Variants in UBE4B observed in about 807,000 individuals in gnomAD.
UBE4B encodes ubiquitination factor E4B.
UBE4B carries 27 observed loss-of-function variants against 148.1 expected under a neutral mutation model. That is an observed-to-expected ratio of 0.18 (90% CI 0.13 to 0.25). The LOEUF (loss-of-function observed/expected upper bound fraction) is 0.25, where lower values mean the gene tolerates loss of function less well. Ranked by LOEUF, UBE4B falls within the 10% of genes least tolerant of loss-of-function variation. The pLI is 1.00. For missense variants in UBE4B, 1,170 were observed against 1,662.4 expected, an observed-to-expected ratio of 0.70 and a Z score of 5.15; for synonymous variants, 596 against 619.3, an observed-to-expected ratio of 0.96 and a Z score of 0.56.
intron 25 of UBE4B, among the ~76,000 whole-genome samples, chr1:10,175,499 A>C (rs1278953048): frequency 2.0e-5 from 3 of 151,012 alleles, no homozygotes; most frequent in Non-Finnish European, 4.4e-5. Flanking sequence ...AAAATACAAA[A>C]AATTAGCCAG....
chr1:10,167,589 CTTTTTTTTTTT>C (rs1166780306), intron 23 of UBE4B, among the ~76,000 whole-genome samples: 1 of 120,054 alleles, frequency 8.3e-6, no homozygotes, highest in Non-Finnish European at 1.7e-5. Context: ...TTGATGGTGA[CTTTTTTTTTTT>C]TTTTTTTTTT....
At chr1:10,101,704 T>G (rs1557552695) in intron 4 of UBE4B, among the ~76,000 whole-genome samples, 1 of 152,012 alleles carries the variant, frequency 6.6e-6, no homozygotes, top group Non-Finnish European at 1.5e-5. Flanking sequence ...GAGATGGGTT[T>G]TCACCGTGTT....
chr1:10,115,321 G>A (rs1212058378), intron 7 of UBE4B, among the ~76,000 whole-genome samples: 1 of 151,206 alleles, frequency 6.6e-6, no homozygotes, highest in African/African-American at 2.4e-5. Context: ...AGGCTGGAGT[G>A]CAGTTGTGTG....
chr1:10,148,438 C>A (rs1388115415), intron 19 of UBE4B, among the ~76,000 whole-genome samples: 1 of 151,730 alleles, frequency 6.6e-6, no homozygotes, highest in Non-Finnish European at 1.5e-5. Context: ...TCGAGACCAT[C>A]CTGGCCAACG....
intron 2 of UBE4B, among the ~76,000 whole-genome samples, chr1:10,080,126 T>C (rs1644652446): frequency 6.6e-6 from 1 of 152,138 alleles, no homozygotes; most frequent in South Asian, 2.1e-4. Context: ...ATTTATCTGA[T>C]TGAAAATTCT....
At chr1:10,156,830 C>T (rs1646080500) in intron 21 of UBE4B, among the ~76,000 whole-genome samples, 1 of 152,032 alleles carries the variant, frequency 6.6e-6, no homozygotes, top group Admixed American at 6.6e-5. Flanking sequence ...ATAGCTGTTT[C>T]CTTTTTTGGT....
chr1:10,080,256 C>G (rs1164668963), intron 2 of UBE4B, among the ~76,000 whole-genome samples: 1 of 151,932 alleles, frequency 6.6e-6, no homozygotes, highest in Non-Finnish European at 1.5e-5. Context: ...CCTGTCTCTA[C>G]TAAAAATACA....
At chr1:10,179,754 A>G (rs1571048323) in intron 27 of UBE4B, 141 bp from the exon 28 acceptor site, 1 of 1,338,502 alleles carries the variant, frequency 7.5e-7, no homozygotes, top group Non-Finnish European at 1.0e-6. Flanking sequence ...CCTCCCTCTC[A>G]TGTCCCAGTC....
chr1:10,081,545 C>T (rs1557536853), intron 2 of UBE4B, among the ~76,000 whole-genome samples: 1 of 151,958 alleles, frequency 6.6e-6, no homozygotes, highest in Non-Finnish European at 1.5e-5. Flanking sequence ...TTACCTCAGC[C>T]TCCCAAGTAG....
intron 1 of UBE4B, among the ~76,000 whole-genome samples, chr1:10,057,132 GTAA>G (rs1217566428): frequency 5.3e-5 from 8 of 151,950 alleles, no homozygotes; most frequent in African/African-American, 1.9e-4. Context: ...CTAATTTGAA[GTAA>G]TAATATTAAT....
intron 1 of UBE4B, among the ~76,000 whole-genome samples, chr1:10,037,539 C>T (rs1412618424): frequency 3.3e-5 from 5 of 152,058 alleles, no homozygotes; most frequent in Admixed American, 1.3e-4. Context: ...TTTCGTATCT[C>T]AAGGTGGTGC....
intron 2 of UBE4B, among the ~76,000 whole-genome samples, chr1:10,079,938 T>A (rs1286375413): frequency 1.3e-5 from 2 of 152,188 alleles, no homozygotes; most frequent in Non-Finnish European, 2.9e-5. Flanking sequence ...GAGCTAGGGA[T>A]GCAGGATGGA....
intron 2 of UBE4B, among the ~76,000 whole-genome samples, chr1:10,078,124 C>A (rs1644615247): frequency 6.6e-6 from 1 of 152,140 alleles, no homozygotes; most frequent in Non-Finnish European, 1.5e-5. Context: ...ATTCTCCCAC[C>A]TCAGCCTCCG....
intron 2 of UBE4B, among the ~76,000 whole-genome samples, chr1:10,075,997 T>G (rs1644573194): frequency 6.6e-6 from 1 of 152,052 alleles, no homozygotes; most frequent in Non-Finnish European, 1.5e-5. Context: ...TGAGCTGTGA[T>G]CACACCACTG....
At chr1:10,060,063 C>G (rs769367309) in intron 1 of UBE4B, among the ~76,000 whole-genome samples, 2 of 151,952 alleles carry the variant, frequency 1.3e-5, no homozygotes, top group Non-Finnish European at 2.9e-5. Flanking sequence ...CTGTTCTATT[C>G]AGTCGTCAGG....
intron 10 of UBE4B, among the ~76,000 whole-genome samples, chr1:10,123,722 T>A (rs576789879): frequency 1.3e-5 from 2 of 152,310 alleles, no homozygotes; most frequent in Non-Finnish European, 2.9e-5. Context: ...CTGCATTTTT[T>A]AAATTAAGAT....
intron 21 of UBE4B, among the ~76,000 whole-genome samples, chr1:10,153,490 TAAAAAAAAAA>T (rs1045427991): frequency 2.0e-4 from 10 of 49,216 alleles, no homozygotes; most frequent in African/African-American, 7.8e-4. Flanking sequence ...ACCCTGTTTC[TAAAAAAAAAA>T]AAAAAAAAAA....
At chr1:10,088,430 G>T (rs1459700472) in intron 2 of UBE4B, among the ~76,000 whole-genome samples, 1 of 151,788 alleles carries the variant, frequency 6.6e-6, no homozygotes, top group Non-Finnish European at 1.5e-5. Context: ...GCCCAGGCTG[G>T]CGTGCAGTGG....
Position 10,117,490 on chromosome 1 carries a change from G to A in UBE4B, c.1228G>A (p.Asp410Asn). ...LGASGGASNW[D>N]SYSDHFTIET... is the part of the protein sequence containing the mutation. ...AGCCTCTGGTGGAGCAAGTAATTGG[G>A]ATTCCTACAGTGACCATTTCACCAT... is the stretch of plus-strand genomic sequence containing the variant. The change falls in exon 8 of 28, where the codon GAT (aspartate) becomes AAT (asparagine). Residue 410 changes from aspartate (D) to asparagine (N), a missense_variant. Coordinates refer to ENST00000343090, the MANE Select transcript of UBE4B (RefSeq NM_001105562.3). The A allele has an allele frequency of 6.2e-7, 1 of 1,612,062 alleles. No homozygotes were observed. Among genetic ancestry groups the A allele is most frequent in the Non-Finnish European group, 8.5e-7 (1 of 1,179,552 alleles).
Sources: allele counts gnomAD v4.1 joint callset (sites outside exome capture counted in the v4.1 genomes callset), GRCh38; gene constraint gnomAD v4.1.1; transcripts MANE v1.5; gene names NCBI Gene and HGNC (gene_info 2026-07-23, HGNC 2026-07-21).